Variants in NUP35 observed in about 807,000 individuals in gnomAD.
NUP35 encodes nucleoporin 35, also known as nucleoporin NUP35.
A neutral mutation model predicts 41.5 loss-of-function variants in NUP35; 25 were observed. The ratio of observed to expected loss-of-function variants is 0.60; its 90% CI spans 0.44 to 0.84. NUP35 has a LOEUF of 0.84. NUP35 is among the 40% of genes least tolerant of loss of function. NUP35 has a pLI of 0.00. For synonymous variants in NUP35, 149 were observed against 130.7 expected, an observed-to-expected ratio of 1.14 and a Z score of -0.96; for missense variants, 396 against 396.6, an observed-to-expected ratio of 1.00 and a Z score of 0.01.
chr2:183,126,475 A>C (rs1684493555), intron 1 of NUP35, among the ~76,000 whole-genome samples: 1 of 152,216 alleles, frequency 6.6e-6, no homozygotes. Flanking sequence ...ATATCTGTTA[A>C]GAATATGCTT....
chr2:183,146,244 A>T (rs1174126695), intron 4 of NUP35, among the ~76,000 whole-genome samples: 1 of 152,156 alleles, frequency 6.6e-6, no homozygotes, highest in Non-Finnish European at 1.5e-5. Context: ...TCAAAAAAAA[A>T]AGTATTTCAA....
intron 4 of NUP35, among the ~76,000 whole-genome samples, chr2:183,149,919 A>AT (rs1182567677): frequency 6.6e-6 from 1 of 151,304 alleles, no homozygotes; most frequent in Non-Finnish European, 1.5e-5. Flanking sequence ...TAATTTTTTT[A>AT]TTTTTTTGAG....
chr2:183,147,929 G>A (rs1222264695), intron 4 of NUP35, among the ~76,000 whole-genome samples: 1 of 140,852 alleles, frequency 7.1e-6, no homozygotes, highest in African/African-American at 2.6e-5. Flanking sequence ...TTTTTTTTTT[G>A]ATATGTGGCT....
intron 4 of NUP35, among the ~76,000 whole-genome samples, chr2:183,137,686 G>T (rs1363594743): frequency 1.3e-5 from 2 of 152,114 alleles, no homozygotes; most frequent in South Asian, 2.1e-4. Flanking sequence ...CCAGCGCTAT[G>T]GGAGGTCAAG....
Position 183,155,010 on chromosome 2 carries a change from A to C in NUP35, c.540-2434A>C, listed in dbSNP as rs544002272. Among the ~76,000 whole-genome samples, 8 of 151,366 alleles carry C rather than the reference A, an allele frequency of 5.3e-5. No homozygotes were observed. The South Asian group carries it at 1.1e-3, about 21-fold the overall frequency. On this transcript the variant is annotated intron_variant, in intron 5 of 8. Coordinates refer to ENST00000295119, the MANE Select transcript of NUP35 (RefSeq NM_138285.5). ...TGATAAACGCGTCAGATCTTGTGAGACTTACTCACTATCATGAGAATAGCA... is the reference window on the plus strand; with the variant it reads ...TGATAAACGCGTCAGATCTTGTGAGCCTTACTCACTATCATGAGAATAGCA...
At chr2:183,134,300 C>A (rs1467981865) in intron 4 of NUP35, among the ~76,000 whole-genome samples, 1 of 151,998 alleles carries the variant, frequency 6.6e-6, no homozygotes, top group South Asian at 2.1e-4. Flanking sequence ...ATGGAACTTA[C>A]ATTTATTTGC....
At position 183,130,535 on chromosome 2, in the gene NUP35, C is replaced by T; in HGVS notation, c.329C>T (p.Ser110Leu). 6.2e-7 allele frequency: 1 copy of T among 1,613,242 alleles called. No individual in the cohort carries two copies. Among genetic ancestry groups the T allele is most frequent in the Non-Finnish European group, 8.5e-7 (1 of 1,179,674 alleles). Reference protein sequence around the residue: ...SPGLGSTPLTSRRQPNISVMQ... With the variant: ...SPGLGSTPLTLRRQPNISVMQ... ...GGACTTGGATCAACACCTTTAACTTCAAGAAGACAGGTAATATAAATACCC... is the reference window on the plus strand; with the variant it reads ...GGACTTGGATCAACACCTTTAACTTTAAGAAGACAGGTAATATAAATACCC... Residue 110 changes from serine (S) to leucine (L), a missense_variant, in exon 3 of 9, where the codon TCA (serine) becomes TTA (leucine). By Grantham distance (145) the Ser-to-Leu change is moderately radical. Transcript: ENST00000295119.
At chr2:183,143,579 C>G (rs927896202) in intron 4 of NUP35, among the ~76,000 whole-genome samples, 7 of 152,296 alleles carry the variant, frequency 4.6e-5, no homozygotes, top group African/African-American at 1.7e-4. Flanking sequence ...CTGTCAGACT[C>G]ATTGAGTTTT....
chr2:183,134,310 C>T (rs1220328117), intron 4 of NUP35, among the ~76,000 whole-genome samples: 1 of 151,784 alleles, frequency 6.6e-6, no homozygotes, highest in Non-Finnish European at 1.5e-5. Flanking sequence ...CATTTATTTG[C>T]AGAATTTACA....
intron 8 of NUP35, chr2:183,159,858 A>T (rs6434005): frequency 0.81 from 339,577 of 417,528 alleles, 137,823 homozygotes; most frequent in African/African-American, 0.91. Flanking sequence ...AAAAAAAAAA[A>T]TTATTTGCCA....
At chr2:183,159,682 T>A in intron 8 of NUP35, 30 bp downstream of exon 8, 1 of 1,555,276 alleles carries the variant, frequency 6.4e-7, no homozygotes, top group South Asian at 1.1e-5. Context: ...AAAAAAGATG[T>A]ACTTTAATGG....
intron 4 of NUP35, among the ~76,000 whole-genome samples, chr2:183,142,284 A>G (rs6712479): frequency 0.032 from 4,925 of 152,058 alleles, 97 homozygotes; most frequent in Non-Finnish European, 0.043. Flanking sequence ...ACTTCCCTGT[A>G]TTATTTGTTT....
rs1351501022 is a variant in NUP35 at position 183,128,283 on chromosome 2, G to A, written c.41-4G>A. 1.4e-5 allele frequency: 22 copies of A among 1,591,630 alleles called. No individual in the cohort carries two copies. The highest frequency in any genetic ancestry group is 1.9e-5 in the Non-Finnish European group (22 of 1,167,142). Reference sequence around the variant, plus strand: ...GTCCTTAATTTATTTTTTGATTCATGTAGGATCTGAACCAATGATGCTGGG... The same window carrying A: ...GTCCTTAATTTATTTTTTGATTCATATAGGATCTGAACCAATGATGCTGGG... On this transcript the variant is annotated splice_polypyrimidine_tract_variant and splice_region_variant and intron_variant, in intron 1 of 8. Transcript: ENST00000295119.
At chr2:183,150,843 G>C (rs764248107) in intron 4 of NUP35, among the ~76,000 whole-genome samples, 1 of 152,200 alleles carries the variant, frequency 6.6e-6, no homozygotes, top group South Asian at 2.1e-4. Flanking sequence ...AAGGGAAATA[G>C]TCTTTGCTTC....
chr2:183,127,240 G>T (rs1446118318), intron 1 of NUP35, among the ~76,000 whole-genome samples: 1 of 151,154 alleles, frequency 6.6e-6, no homozygotes. Context: ...TCTCTAAGTT[G>T]GCTTTATATT....
intron 4 of NUP35, among the ~76,000 whole-genome samples, chr2:183,147,902 C>T (rs750858128): frequency 8.2e-5 from 12 of 146,572 alleles, no homozygotes; most frequent in Non-Finnish European, 1.8e-4. Flanking sequence ...TAGATGTATT[C>T]CTAGGTATTT....
At position 183,150,544 on chromosome 2, in the gene NUP35, A is replaced by G. The variant is rs553560988; in HGVS notation, c.398-964A>G. Among the ~76,000 whole-genome samples, 187 of 152,218 alleles carry G rather than the reference A, an allele frequency of 1.2e-3. 1 individual carries two copies. The highest frequency in any genetic ancestry group is 4.1e-3 in the African/African-American group (169 of 41,536). ...TCAGGTTTTTGCTTTAATGCACCTC[A>G]GTGAAATCCTTTTTCATTTAACCCA... On this transcript the variant is annotated intron_variant, in intron 4 of 8. Coordinates refer to ENST00000295119, the MANE Select transcript of NUP35 (RefSeq NM_138285.5).
rs982786073 is a variant in NUP35, at chr2:183,151,467, T to C, written c.398-41T>C. 3 of 1,585,268 alleles carry C rather than the reference T, an allele frequency of 1.9e-6. No homozygotes were observed. The African/African-American group carries it at 4.1e-5, about 21-fold the overall frequency. Reference sequence around the variant, plus strand: ...ATTTTTGATTTAGAATCAATCGAGGTGTTTACACTGGCAACTAACTTGCTA... The same window carrying C: ...ATTTTTGATTTAGAATCAATCGAGGCGTTTACACTGGCAACTAACTTGCTA... On this transcript the variant is annotated intron_variant, in intron 4 of 8. Transcript: ENST00000295119.
intron 1 of NUP35, among the ~76,000 whole-genome samples, chr2:183,118,041 C>T (rs748410712): frequency 2.6e-4 from 40 of 152,140 alleles, no homozygotes; most frequent in South Asian, 4.1e-4. Context: ...TCTTTCTGTT[C>T]CTCCCCTCCC....
Sources: allele counts gnomAD v4.1 joint callset (sites outside exome capture counted in the v4.1 genomes callset), GRCh38; gene constraint gnomAD v4.1.1; transcripts MANE v1.5; gene names NCBI Gene and HGNC (gene_info 2026-07-23, HGNC 2026-07-21).